The following MCTP1 variants were observed in gnomAD, a reference collection of about 807,000 sequenced individuals.
The protein encoded by MCTP1 is multiple C2 and transmembrane domain-containing protein 1.
In MCTP1, 69 loss-of-function variants were observed where a neutral mutation model predicts 120.6. That is an observed-to-expected ratio of 0.57 (90% CI 0.47 to 0.70). The LOEUF (loss-of-function observed/expected upper bound fraction) is 0.70. Among genes scored for constraint, MCTP1 ranks in the 30% least tolerant of loss-of-function variants. MCTP1 has a pLI of 0.00. For missense variants in MCTP1, 1,203 were observed against 1,248.8 expected (o/e 0.96, Z 0.55); for synonymous variants, 529 against 493.1 (o/e 1.07, Z -0.96).
At chr5:95,037,347 G>C (rs11956040) in intron 1 of MCTP1, among the ~76,000 whole-genome samples, 2,442 of 152,252 alleles carry the variant, frequency 0.016, 68 homozygotes, top group African/African-American at 0.057. Context: ...AAAAAGCAAC[G>C]AGGTGAAAAG....
chr5:95,269,768 C>A, intron 1 of MCTP1, among the ~76,000 whole-genome samples: 1 of 152,314 alleles, frequency 6.6e-6, no homozygotes, highest in East Asian at 1.9e-4. Context: ...TTGCCACTTA[C>A]TAACTATGGA....
Position 95,283,992 on chromosome 5 carries a change from T to G in MCTP1, c.584A>C (p.His195Pro). Residue 195 changes from histidine to proline, a missense_variant, in exon 1 of 23, where the codon CAC becomes CCC. Transcript: ENST00000515393. Reference protein sequence around the residue: ...RRQGPGAHLCHQKSSSLPGTA... With the variant: ...RRQGPGAHLCPQKSSSLPGTA... The stretch of plus-strand genomic sequence containing the variant: ...GCCCGGCAGAGAGGAGCTCTTCTGG[T>G]GGCACAAGTGCGCCCCGGGGCCCTG... 1 of 1,465,964 alleles carries G rather than the reference T, an allele frequency of 6.8e-7. No individual in the cohort carries two copies. Among genetic ancestry groups the G allele is most frequent in the Non-Finnish European group, 9.0e-7 (1 of 1,112,832 alleles). 90.8% of individuals were successfully genotyped at this position (1,465,964 alleles called of 1,614,324 possible).
At chr5:95,256,210 A>G (rs1196396264) in intron 1 of MCTP1, among the ~76,000 whole-genome samples, 7 of 152,230 alleles carry the variant, frequency 4.6e-5, no homozygotes, top group Non-Finnish European at 1.0e-4. Flanking sequence ...GAAAATGAAA[A>G]AAAGAATAAG....
At chr5:95,070,074 A>T (rs1751752409) in intron 1 of MCTP1, among the ~76,000 whole-genome samples, 1 of 152,166 alleles carries the variant, frequency 6.6e-6, no homozygotes, top group African/African-American at 2.4e-5. Context: ...TAGGGGAAGA[A>T]CTATCTTCCT....
chr5:94,766,195 T>C (rs1772656119), intron 19 of MCTP1, among the ~76,000 whole-genome samples: 1 of 152,112 alleles, frequency 6.6e-6, no homozygotes, highest in South Asian at 2.1e-4. Flanking sequence ...TGCAGTGAGC[T>C]GAGATCATGC....
At chr5:95,251,826 C>G (rs988665164) in intron 1 of MCTP1, among the ~76,000 whole-genome samples, 3 of 151,954 alleles carry the variant, frequency 2.0e-5, no homozygotes, top group Admixed American at 6.6e-5. Context: ...ATACTATTAT[C>G]CACAATTAAT....
Position 94,992,630 on chromosome 5 carries a change from T to C in MCTP1, c.838+24737A>G, listed in dbSNP as rs577311097. 1.1e-4 allele frequency among the ~76,000 whole-genome samples: 16 copies of C among 152,282 alleles called. No individual in the cohort carries two copies. The South Asian group carries it at 3.1e-3, about 30-fold the overall frequency. On this transcript the variant is annotated intron_variant, in intron 2 of 22. Coordinates refer to ENST00000515393, the MANE Select transcript of MCTP1 (RefSeq NM_024717.7). ...TGCATAGGCCAGGCCACAGGTACAA[T>C]GTCTTTGGGAGTAGGGCTTAACAGA...
chr5:94,864,272 G>A (rs1796377279), intron 17 of MCTP1, among the ~76,000 whole-genome samples: 1 of 151,796 alleles, frequency 6.6e-6, no homozygotes, highest in Non-Finnish European at 1.5e-5. Flanking sequence ...GCCGTTTTTG[G>A]AACACAAGGT....
rs1262157212 is a variant in MCTP1, at chr5:94,707,174, GTATT to G, written c.*318_*321del. ...GTAGATTTAATCAGAGCACAGGTGA[GTATT>G]TAATCCACTAGTAATTAGATAAGAA... On this transcript the variant is annotated 3_prime_UTR_variant, in exon 23 of 23. Coordinates refer to ENST00000515393, the MANE Select transcript of MCTP1 (RefSeq NM_024717.7). The G allele has an allele frequency of 4.9e-5, 10 of 205,752 alleles. No individual in the cohort carries two copies. Among genetic ancestry groups the G allele is most frequent in the East Asian group, 2.5e-4 (2 of 8,022 alleles). The allele number at this position is 205,752 out of a possible 1,614,324, so 12.7% of individuals were successfully genotyped here. A position where few individuals can be genotyped will look rare whatever the true frequency, so the allele number is the denominator to read the frequency against.
intron 1 of MCTP1, among the ~76,000 whole-genome samples, chr5:95,040,614 G>A (rs1403243533): frequency 6.6e-6 from 1 of 152,076 alleles, no homozygotes; most frequent in African/African-American, 2.4e-5. Flanking sequence ...CTATCCATGT[G>A]TTTCTACCTT....
intron 6 of MCTP1, chr5:94,931,524 C>T (rs1006089233): frequency 1.3e-5 from 2 of 156,298 alleles, no homozygotes; most frequent in African/African-American, 4.8e-5. Context: ...TTATTGTATA[C>T]TATAAAGATG....
chr5:94,817,180 G>A (rs1447536094), intron 17 of MCTP1, among the ~76,000 whole-genome samples: 2 of 152,064 alleles, frequency 1.3e-5, no homozygotes, highest in East Asian at 1.9e-4. Flanking sequence ...CGAGGCAGGC[G>A]GATCACGAGG....
chr5:94,752,108 AATATATATATATATATATAT>A lies in MCTP1; in HGVS notation c.2610+26982_2610+27001del, dbSNP rs146434254. ...ATGTACCCTAAAACTTAAATAATAA[AATATATATATATATATATAT>A]ATATATATATATATATATTCAAAAT... On this transcript the variant is annotated intron_variant, in intron 19 of 22. Transcript: ENST00000515393. Among the ~76,000 whole-genome samples the A allele has an allele frequency of 9.2e-4, 70 of 75,800 alleles. 1 individual carries two copies. Among genetic ancestry groups the A allele is most frequent in the East Asian group, 3.1e-3 (8 of 2,606 alleles). The allele number at this position is 75,800 out of a possible 152,430, so 49.7% of individuals were successfully genotyped here.
At position 95,236,940 on chromosome 5, in the gene MCTP1, G is replaced by C. The variant is rs1234887648; in HGVS notation, c.720+46916C>G. Among the ~76,000 whole-genome samples the C allele has an allele frequency of 4.6e-5, 7 of 152,158 alleles. No homozygotes were observed. The East Asian group carries it at 1.3e-3, about 29-fold the overall frequency. On this transcript the variant is annotated intron_variant, in intron 1 of 22. Transcript: ENST00000515393. ...TATTTCAAAATTCCTCATGAAGTAA[G>C]CTTTAAAATGGCCTTCTTATTTAAG...
At chr5:95,237,590 T>C (rs1393892097) in intron 1 of MCTP1, among the ~76,000 whole-genome samples, 1 of 152,062 alleles carries the variant, frequency 6.6e-6, no homozygotes, top group Non-Finnish European at 1.5e-5. Context: ...AAAACCAGAG[T>C]TGAAAGGGAG....
At chr5:95,280,535 G>C (rs1400851415) in intron 1 of MCTP1, among the ~76,000 whole-genome samples, 1 of 152,228 alleles carries the variant, frequency 6.6e-6, no homozygotes, top group East Asian at 1.9e-4. Flanking sequence ...GCATATTTTT[G>C]ATATGCACAC....
chr5:94,730,788 C>G (rs905417841), intron 19 of MCTP1, among the ~76,000 whole-genome samples: 1 of 152,134 alleles, frequency 6.6e-6, no homozygotes, highest in Non-Finnish European at 1.5e-5. Context: ...CACCCTATTC[C>G]CAGATGTTTC....
At chr5:94,733,972 AAAAAG>A (rs1176364334) in intron 19 of MCTP1, among the ~76,000 whole-genome samples, 61 of 152,062 alleles carry the variant, frequency 4.0e-4, no homozygotes, top group Middle Eastern at 3.4e-3. Flanking sequence ...TGAAAAAAAA[AAAAAG>A]AAAAGAAAAG....
At chr5:94,794,118 A>G (rs1779517122) in intron 18 of MCTP1, among the ~76,000 whole-genome samples, 1 of 152,218 alleles carries the variant, frequency 6.6e-6, no homozygotes, top group East Asian at 1.9e-4. Context: ...GATTTCATTG[A>G]TCTGCCCCAC....
Sources: allele counts gnomAD v4.1 joint callset (sites outside exome capture counted in the v4.1 genomes callset), GRCh38; gene constraint gnomAD v4.1.1; transcripts MANE v1.5; gene names NCBI Gene and HGNC (gene_info 2026-07-23, HGNC 2026-07-21).